ASTN2: variants seen among roughly 807,000 people sequenced by gnomAD.
The protein encoded by ASTN2 is astrotactin-2.
Under a neutral mutation model 139.8 loss-of-function variants are expected in ASTN2, and 54 were observed. That is an observed-to-expected ratio of 0.39 (90% CI 0.31 to 0.48). ASTN2 has a LOEUF of 0.48. ASTN2 is among the 20% of genes least tolerant of loss of function. The pLI, the probability that ASTN2 is intolerant of heterozygous loss-of-function variation, is 0.95. For synonymous variants in ASTN2, 756 were observed against 719.5 expected, an observed-to-expected ratio of 1.05 and a Z score of -0.81; for missense variants, 1,565 against 1,725.1, an observed-to-expected ratio of 0.91 and a Z score of 1.64.
intron 10 of ASTN2, among the ~76,000 whole-genome samples, chr9:116,942,634 T>C (rs181708506): frequency 6.6e-6 from 1 of 152,366 alleles, no homozygotes; most frequent in African/African-American, 2.4e-5. Flanking sequence ...ACACACACAC[T>C]CAACCTGAAA....
In ASTN2 at chr9:117,025,603, C is replaced by T. The variant is rs149575798; in HGVS notation, c.1423+14216G>A. Reference sequence around the variant, plus strand: ...GACTGATCACTCTCTCATCCTCCACCCTGGTTCAAATACTGCAGTGAGATG... The same window carrying T: ...GACTGATCACTCTCTCATCCTCCACTCTGGTTCAAATACTGCAGTGAGATG... On this transcript the variant is annotated intron_variant, in intron 6 of 22. Coordinates refer to ENST00000313400, the MANE Select transcript of ASTN2 (RefSeq NM_001365068.1). Among the ~76,000 whole-genome samples, 20 of 152,180 alleles carry T rather than the reference C, an allele frequency of 1.3e-4. No individual in the cohort carries two copies. In the East Asian group the frequency reaches 3.3e-3, roughly 25 times the overall value.
chr9:117,379,067 A>C (rs561101225), intron 1 of ASTN2, among the ~76,000 whole-genome samples: 1 of 152,154 alleles, frequency 6.6e-6, no homozygotes, highest in Non-Finnish European at 1.5e-5. Flanking sequence ...AGGACTCCTC[A>C]GAAGCAGAAG....
chr9:116,687,130 C>T lies in ASTN2; in HGVS notation c.2807-35337G>A, dbSNP rs926089966. The T allele has an allele frequency of 1.6e-5, 18 of 1,097,368 alleles. No individual in the cohort carries two copies. In the African/African-American group the frequency reaches 2.7e-4, roughly 17 times the overall value. The allele number at this position is 1,097,368 out of a possible 1,614,324, so 68.0% of individuals were successfully genotyped here. A position where few individuals can be genotyped will look rare whatever the true frequency, so the allele number is the denominator to read the frequency against. On this transcript the variant is annotated intron_variant, in intron 16 of 22. Coordinates refer to ENST00000313400, the MANE Select transcript of ASTN2 (RefSeq NM_001365068.1). ...GGTTTCTTCATCTGCACCAAGGAGA[C>T]GGAAAACTGGATTACGTGTCGCTAA...
At chr9:116,670,387 G>A (rs1441826904) in intron 16 of ASTN2, among the ~76,000 whole-genome samples, 1 of 152,102 alleles carries the variant, frequency 6.6e-6, no homozygotes, top group Non-Finnish European at 1.5e-5. Context: ...GTATGACTGA[G>A]TGGCTGGGCC....
intron 19 of ASTN2, among the ~76,000 whole-genome samples, chr9:116,534,124 T>C (rs1282136836): frequency 1.3e-5 from 2 of 152,240 alleles, no homozygotes. Context: ...ATCCATTTTT[T>C]CTAGATTTTC....
At chr9:116,627,001 G>C (rs1024586246) in intron 17 of ASTN2, among the ~76,000 whole-genome samples, 1 of 152,222 alleles carries the variant, frequency 6.6e-6, no homozygotes, top group Non-Finnish European at 1.5e-5. Context: ...TAGGAGATAG[G>C]GCACAGGGGC....
intron 2 of ASTN2, among the ~76,000 whole-genome samples, chr9:117,231,298 C>T (rs1484980170): frequency 6.6e-6 from 1 of 152,216 alleles, no homozygotes; most frequent in Non-Finnish European, 1.5e-5. Flanking sequence ...CCCTAGGCCA[C>T]TCTTTGGCAT....
intron 12 of ASTN2, among the ~76,000 whole-genome samples, chr9:116,813,313 C>A (rs1178944405): frequency 6.6e-6 from 1 of 152,016 alleles, no homozygotes; most frequent in Non-Finnish European, 1.5e-5. Flanking sequence ...ACCATAAAAC[C>A]TTCTATGTGT....
intron 1 of ASTN2, among the ~76,000 whole-genome samples, chr9:117,377,844 A>G (rs1830165770): frequency 6.6e-6 from 1 of 152,198 alleles, no homozygotes; most frequent in Admixed American, 6.5e-5. Flanking sequence ...AGATACACAT[A>G]CAAGTGTCAA....
At chr9:117,180,452 TC>T (rs2132944429) in intron 3 of ASTN2, among the ~76,000 whole-genome samples, 1 of 152,288 alleles carries the variant, frequency 6.6e-6, no homozygotes, top group Admixed American at 6.5e-5. Flanking sequence ...CAAATTCAGC[TC>T]AAATGTCTCC....
chr9:116,704,033 G>C (rs1827924161), intron 16 of ASTN2, among the ~76,000 whole-genome samples: 1 of 152,174 alleles, frequency 6.6e-6, no homozygotes, highest in Non-Finnish European at 1.5e-5. Flanking sequence ...GCTGAAGTTA[G>C]TGAGCCAGCT....
intron 10 of ASTN2, among the ~76,000 whole-genome samples, chr9:116,940,265 A>G (rs1359114847): frequency 6.6e-6 from 1 of 152,164 alleles, no homozygotes; most frequent in East Asian, 1.9e-4. Flanking sequence ...GTTATTTGAG[A>G]GTGTAGTCCT....
At chr9:117,164,997 T>G (rs1056193186) in intron 3 of ASTN2, among the ~76,000 whole-genome samples, 6 of 151,944 alleles carry the variant, frequency 3.9e-5, no homozygotes, top group Admixed American at 6.6e-5. Context: ...CTACCACACT[T>G]CCCCCAAGAA....
intron 22 of ASTN2, among the ~76,000 whole-genome samples, chr9:116,428,682 A>G (rs1388164589): frequency 6.6e-6 from 1 of 152,202 alleles, no homozygotes; most frequent in Non-Finnish European, 1.5e-5. Context: ...CAGTGGTTGT[A>G]TGCAGTAATG....
At chr9:117,145,574 T>G (rs543625326) in intron 3 of ASTN2, among the ~76,000 whole-genome samples, 39 of 152,312 alleles carry the variant, frequency 2.6e-4, no homozygotes, top group African/African-American at 8.7e-4. Flanking sequence ...CCAGTGTCCC[T>G]TTTCCACAGT....
At chr9:116,548,077 A>G (rs1462850393) in intron 19 of ASTN2, among the ~76,000 whole-genome samples, 1 of 148,466 alleles carries the variant, frequency 6.7e-6, no homozygotes, top group Non-Finnish European at 1.5e-5. Flanking sequence ...CCCCCACCCC[A>G]GGATGCAGCC....
chr9:116,852,876 A>AAAACACACAC (rs765936492), intron 11 of ASTN2, among the ~76,000 whole-genome samples: 1 of 59,222 alleles, frequency 1.7e-5, no homozygotes, highest in African/African-American at 1.2e-4. Context: ...CCAAGGGGAA[A>AAAACACACAC]ATACACACAC....
intron 1 of ASTN2, among the ~76,000 whole-genome samples, chr9:117,334,949 G>A (rs375995202): frequency 3.9e-5 from 6 of 152,160 alleles, no homozygotes; most frequent in African/African-American, 1.4e-4. Context: ...CAGCTACTTA[G>A]GAGGCTGAGG....
intron 13 of ASTN2, among the ~76,000 whole-genome samples, chr9:116,790,806 C>G (rs918813485): frequency 6.6e-6 from 1 of 151,160 alleles, no homozygotes; most frequent in African/African-American, 2.4e-5. Context: ...TCCCGAGTAG[C>G]TGGGATTACA....
Sources: gnomAD v4.1 joint callset for allele counts (sites outside exome capture counted in the v4.1 genomes callset) on GRCh38, gnomAD v4.1.1 for gene constraint, MANE v1.5 for transcripts, NCBI Gene and HGNC (gene_info 2026-07-23, HGNC 2026-07-21) for gene names.